Variants in ATRNL1 observed in about 807,000 individuals in gnomAD.
The protein encoded by ATRNL1 is attractin like 1.
In ATRNL1, 95 loss-of-function variants were observed where a neutral mutation model predicts 182.7. The observed-to-expected ratio is 0.52, with a 90% CI of 0.44 to 0.62. The LOEUF is 0.62. Ranked by LOEUF, ATRNL1 falls within the 20% of genes least tolerant of loss-of-function variation. The pLI is 0.00. For missense variants in ATRNL1, 1,471 were observed against 1,679.5 expected, an observed-to-expected ratio of 0.88 and a Z score of 2.17; for synonymous variants, 576 against 568.3, an observed-to-expected ratio of 1.01 and a Z score of -0.19.
At chr10:115,861,491 A>G (rs1235524558) in intron 28 of ATRNL1, among the ~76,000 whole-genome samples, 1 of 152,164 alleles carries the variant, frequency 6.6e-6, no homozygotes, top group Non-Finnish European at 1.5e-5. Context: ...GTACCTTGCT[A>G]TAAATTAATT....
At chr10:115,751,948 G>A (rs1220620815) in intron 27 of ATRNL1, among the ~76,000 whole-genome samples, 1 of 151,992 alleles carries the variant, frequency 6.6e-6, no homozygotes, top group Non-Finnish European at 1.5e-5. Flanking sequence ...GAAGGAAATA[G>A]GGATGGTAGG....
intron 27 of ATRNL1, among the ~76,000 whole-genome samples, chr10:115,755,440 G>T (rs1948561371): frequency 6.6e-6 from 1 of 152,146 alleles, no homozygotes; most frequent in African/African-American, 2.4e-5. Flanking sequence ...TGTGGTTTTT[G>T]TCATTGGTTC....
chr10:115,764,435 C>G (rs75074193), intron 27 of ATRNL1, among the ~76,000 whole-genome samples: 6 of 152,168 alleles, frequency 3.9e-5, no homozygotes, highest in African/African-American at 1.4e-4. Context: ...ATGTTCAATG[C>G]CCTAAAAATT....
chr10:115,288,051 C>T (rs975005650), intron 15 of ATRNL1, among the ~76,000 whole-genome samples: 1 of 150,610 alleles, frequency 6.6e-6, no homozygotes, highest in Non-Finnish European at 1.5e-5. Flanking sequence ...CCATGAATGA[C>T]AGGATTTCAT....
chr10:115,148,937 A>T (rs967058738), intron 5 of ATRNL1, among the ~76,000 whole-genome samples: 1 of 151,788 alleles, frequency 6.6e-6, no homozygotes, highest in Non-Finnish European at 1.5e-5. Flanking sequence ...TTTAGTAGAG[A>T]TGAGGTTTCG....
intron 19 of ATRNL1, among the ~76,000 whole-genome samples, chr10:115,341,178 T>A (rs75569446): frequency 0.02 from 3,050 of 152,186 alleles, 101 homozygotes; most frequent in African/African-American, 0.069. Context: ...TTCCTCTTAG[T>A]ATTGCTTTGC....
intron 18 of ATRNL1, among the ~76,000 whole-genome samples, chr10:115,329,316 C>T (rs2134058622): frequency 6.6e-6 from 1 of 152,112 alleles, no homozygotes; most frequent in Admixed American, 6.5e-5. Flanking sequence ...ATTAGCTAAC[C>T]TGAAGAATGT....
chr10:115,469,141 A>G (rs781950983), intron 23 of ATRNL1, 31 bp from the exon 24 acceptor site: 1 of 862,456 alleles, frequency 1.2e-6, no homozygotes, highest in Admixed American at 3.3e-5. Flanking sequence ...ATATTTCCTA[A>G]TATTAATTAT....
In ATRNL1 at chr10:115,380,527, G is replaced by A. The variant is rs564208213; in HGVS notation, c.3176-14132G>A. ...TAGCAGCCATTCCCCTTCCTCCCTT[G>A]TCCCCCAGCCCTGCCTCTGGTAGCC... is the stretch of plus-strand genomic sequence containing the variant. On this transcript the variant is annotated intron_variant, in intron 19 of 28. Transcript: ENST00000355044. 2.2e-4 allele frequency among the ~76,000 whole-genome samples: 34 copies of A among 151,760 alleles called. No homozygotes were observed. In the South Asian group the frequency reaches 6.0e-3, roughly 27 times the overall value.
intron 26 of ATRNL1, among the ~76,000 whole-genome samples, chr10:115,627,574 C>T (rs991484465): frequency 6.6e-6 from 1 of 152,042 alleles, no homozygotes; most frequent in African/African-American, 2.4e-5. Context: ...CCAAGTTGGC[C>T]AGGCTGGTCT....
At chr10:115,111,124 G>A (rs1490731454) in intron 1 of ATRNL1, among the ~76,000 whole-genome samples, 1 of 152,182 alleles carries the variant, frequency 6.6e-6, no homozygotes, top group African/African-American at 2.4e-5. Flanking sequence ...TTAGCCAAAA[G>A]GGGAAGAGAT....
chr10:115,826,801 C>G (rs1179994113), intron 27 of ATRNL1, among the ~76,000 whole-genome samples: 1 of 151,756 alleles, frequency 6.6e-6, no homozygotes, highest in Admixed American at 6.6e-5. Flanking sequence ...AGGCAACATT[C>G]GATTAAAAAA....
intron 27 of ATRNL1, among the ~76,000 whole-genome samples, chr10:115,745,759 G>A (rs184980010): frequency 5.7e-4 from 86 of 152,198 alleles, no homozygotes; most frequent in African/African-American, 2.0e-3. Context: ...GTTTTGAAGA[G>A]ACGTAAATTA....
chr10:115,807,382 T>G (rs1555085892), intron 27 of ATRNL1, among the ~76,000 whole-genome samples: 2 of 152,184 alleles, frequency 1.3e-5, no homozygotes, highest in African/African-American at 4.8e-5. Context: ...CCTAAAGTGC[T>G]GGGATTATAG....
At chr10:115,561,869 A>G (rs782056471) in intron 26 of ATRNL1, among the ~76,000 whole-genome samples, 8 of 152,190 alleles carry the variant, frequency 5.3e-5, no homozygotes, top group Non-Finnish European at 1.0e-4. Context: ...ATCATCACCA[A>G]TTATCACCAA....
At chr10:115,931,228 AT>A (rs1953384896) in intron 28 of ATRNL1, among the ~76,000 whole-genome samples, 2 of 152,180 alleles carry the variant, frequency 1.3e-5, no homozygotes, top group Non-Finnish European at 2.9e-5. Context: ...GTAATCCCAA[AT>A]TACTAAACTA....
At chr10:115,840,761 G>A (rs1325487953) in intron 27 of ATRNL1, among the ~76,000 whole-genome samples, 1 of 152,038 alleles carries the variant, frequency 6.6e-6, no homozygotes, top group African/African-American at 2.4e-5. Context: ...GACCTGGCAT[G>A]GCTTCTTGCA....
intron 27 of ATRNL1, among the ~76,000 whole-genome samples, chr10:115,803,280 T>C (rs1315611609): frequency 6.6e-6 from 1 of 152,082 alleles, no homozygotes; most frequent in East Asian, 1.9e-4. Flanking sequence ...CCTCATTCAA[T>C]AAAATTTATG....
chr10:115,790,024 G>A (rs1375490725), intron 27 of ATRNL1, among the ~76,000 whole-genome samples: 2 of 152,082 alleles, frequency 1.3e-5, no homozygotes, highest in Non-Finnish European at 2.9e-5. Flanking sequence ...GTATAAAACA[G>A]TTTTGTTAGC....
Sources: gnomAD v4.1 joint callset for allele counts (sites outside exome capture counted in the v4.1 genomes callset) on GRCh38, gnomAD v4.1.1 for gene constraint, MANE v1.5 for transcripts, NCBI Gene and HGNC (gene_info 2026-07-23, HGNC 2026-07-21) for gene names.